Variants in STPG2 observed in about 807,000 individuals in gnomAD.
STPG2 encodes sperm tail PG-rich repeat containing 2, also known as sperm-tail PG-rich repeat-containing protein 2.
STPG2 carries 56 observed loss-of-function variants against 54.2 expected under a neutral mutation model. The ratio of observed to expected loss-of-function variants is 1.03; its 90% CI spans 0.83 to 1.29. STPG2 has a LOEUF of 1.29. STPG2 is among the 50% of genes most tolerant of loss of function. The pLI is 0.00. For missense variants in STPG2, 596 were observed against 544.9 expected, an observed-to-expected ratio of 1.09 and a Z score of -0.93; for synonymous variants, 200 against 181.8, an observed-to-expected ratio of 1.10 and a Z score of -0.81.
chr4:97,754,587 G>C (rs1323694218), intron 9 of STPG2, among the ~76,000 whole-genome samples: 1 of 152,004 alleles, frequency 6.6e-6, no homozygotes, highest in Non-Finnish European at 1.5e-5. Flanking sequence ...CCCATACTCA[G>C]GTAGCTAACT....
intron 9 of STPG2, among the ~76,000 whole-genome samples, chr4:97,796,140 T>A (rs1294186272): frequency 6.6e-6 from 1 of 152,076 alleles, no homozygotes; most frequent in African/African-American, 2.4e-5. Flanking sequence ...TTTTCTCCCA[T>A]TCTGTAGGTT....
chr4:97,604,120 A>T (rs1465702283), intron 10 of STPG2, among the ~76,000 whole-genome samples: 6 of 151,712 alleles, frequency 4.0e-5, no homozygotes, highest in Non-Finnish European at 8.9e-5. Flanking sequence ...GTATGCTTTT[A>T]TATTAATTTT....
At chr4:97,902,231 C>T (rs957370864) in intron 8 of STPG2, among the ~76,000 whole-genome samples, 1 of 152,080 alleles carries the variant, frequency 6.6e-6, no homozygotes, top group Non-Finnish European at 1.5e-5. Context: ...AGCTCTATGA[C>T]ACTGGTCTTG....
intron 8 of STPG2, among the ~76,000 whole-genome samples, chr4:97,910,752 G>A (rs553425884): frequency 1.3e-5 from 2 of 152,162 alleles, no homozygotes; most frequent in South Asian, 4.2e-4. Context: ...ACACCAAGAT[G>A]GAACAAATGC....
At chr4:98,004,914 T>C (rs1313205419) in intron 5 of STPG2, among the ~76,000 whole-genome samples, 1 of 152,072 alleles carries the variant, frequency 6.6e-6, no homozygotes, top group Non-Finnish European at 1.5e-5. Flanking sequence ...GGTTTAAAAA[T>C]ATTTTTCCTA....
chr4:97,758,900 GA>G (rs551931443), intron 9 of STPG2, among the ~76,000 whole-genome samples: 1 of 149,096 alleles, frequency 6.7e-6, no homozygotes, highest in South Asian at 2.1e-4. Context: ...TGGAAAAACA[GA>G]AAAAAAAAGA....
chr4:97,792,094 T>C (rs963430390), intron 9 of STPG2, among the ~76,000 whole-genome samples: 1 of 152,186 alleles, frequency 6.6e-6, no homozygotes, highest in Non-Finnish European at 1.5e-5. Context: ...ATCAGTGGAA[T>C]GACTCTTTAA....
At chr4:97,837,829 G>A (rs1728677164) in intron 9 of STPG2, among the ~76,000 whole-genome samples, 1 of 151,510 alleles carries the variant, frequency 6.6e-6, no homozygotes, top group Admixed American at 6.6e-5. Context: ...GTTATTGAAT[G>A]TCTTATAAGT....
chr4:97,697,840 A>C (rs1300194581), intron 10 of STPG2, among the ~76,000 whole-genome samples: 1 of 152,188 alleles, frequency 6.6e-6, no homozygotes, highest in Non-Finnish European at 1.5e-5. Flanking sequence ...TGCCTTAAGG[A>C]CATGTTCCTG....
At chr4:97,926,091 C>A (rs573108108) in intron 8 of STPG2, among the ~76,000 whole-genome samples, 2 of 152,054 alleles carry the variant, frequency 1.3e-5, no homozygotes, top group African/African-American at 4.8e-5. Flanking sequence ...GATCATAGGC[C>A]CTCTCTACCT....
chr4:97,866,161 A>G (rs908668345), intron 8 of STPG2, among the ~76,000 whole-genome samples: 1 of 151,964 alleles, frequency 6.6e-6, no homozygotes, highest in African/African-American at 2.4e-5. Flanking sequence ...GATAGAATGA[A>G]TAAGATCTAT....
intron 10 of STPG2, among the ~76,000 whole-genome samples, chr4:97,638,938 G>A (rs1363307861): frequency 2.2e-4 from 33 of 148,890 alleles, no homozygotes; most frequent in African/African-American, 8.1e-4. Flanking sequence ...TCAGTGTGGC[G>A]ATTCCTCAGG....
intron 5 of STPG2, among the ~76,000 whole-genome samples, chr4:98,020,404 G>C (rs1736138859): frequency 6.8e-6 from 1 of 145,996 alleles, no homozygotes; most frequent in Non-Finnish European, 1.5e-5. Flanking sequence ...TTGATGTGCT[G>C]CTGGATTCGG....
At chr4:97,914,409 ATT>A (rs1036009854) in intron 8 of STPG2, among the ~76,000 whole-genome samples, 9 of 151,990 alleles carry the variant, frequency 5.9e-5, no homozygotes, top group Non-Finnish European at 1.3e-4. Context: ...TCATGAAAAG[ATT>A]TTTTTTAACT....
rs368449379 is a variant in STPG2, at chr4:97,634,061, C to A, written c.1321-74944G>T. On this transcript the variant is annotated intron_variant, in intron 10 of 10. Transcript: ENST00000295268. ...GCAGGGCACAGACAAACAAAAAGAC[C>A]GCAGTAACCTCTGCAGACTTAAATG... Among the ~76,000 whole-genome samples the A allele has an allele frequency of 2.7e-3, 413 of 152,252 alleles. 2 individuals are homozygous for A. The highest frequency in any genetic ancestry group is 8.9e-3 in the African/African-American group (368 of 41,550).
At position 97,828,081 on chromosome 4, in the gene STPG2, T is replaced by A. The variant is rs556592137; in HGVS notation, c.1204+12692A>T. 2.0e-5 allele frequency among the ~76,000 whole-genome samples: 3 copies of A among 152,258 alleles called. No homozygotes were observed. The East Asian group carries it at 5.8e-4, about 29-fold the overall frequency. The stretch of plus-strand genomic sequence containing the variant: ...TTAAAAAGCCTCTATAAAATAATCA[T>A]TCTTGGATTTGATGGCAAGATGGCC... On this transcript the variant is annotated intron_variant, in intron 9 of 10. Transcript: ENST00000295268.
intron 4 of STPG2, among the ~76,000 whole-genome samples, chr4:97,455,577 A>G (rs1429923448): frequency 6.6e-6 from 1 of 152,178 alleles, no homozygotes; most frequent in Non-Finnish European, 1.5e-5. Flanking sequence ...CCACCTTCCC[A>G]CTACATCCCC....
chr4:97,874,075 T>C (rs1415189413), intron 8 of STPG2, among the ~76,000 whole-genome samples: 1 of 151,498 alleles, frequency 6.6e-6, no homozygotes, highest in Non-Finnish European at 1.5e-5. Flanking sequence ...TCTTTTGCAG[T>C]GAAGAATTTT....
At chr4:97,883,266 T>G (rs937172294) in intron 8 of STPG2, among the ~76,000 whole-genome samples, 1 of 151,834 alleles carries the variant, frequency 6.6e-6, no homozygotes, top group East Asian at 1.9e-4. Flanking sequence ...TGTGCTCCTG[T>G]AGTCCCAGCT....
Sources: allele counts gnomAD v4.1 joint callset (sites outside exome capture counted in the v4.1 genomes callset), GRCh38; gene constraint gnomAD v4.1.1; transcripts MANE v1.5; gene names NCBI Gene and HGNC (gene_info 2026-07-23, HGNC 2026-07-21).